PRKCA: variants seen among roughly 807,000 people sequenced by gnomAD.
PRKCA encodes protein kinase C alpha.
Under a neutral mutation model 87.0 loss-of-function variants are expected in PRKCA, and 27 were observed. That is an observed-to-expected ratio of 0.31 (90% CI 0.23 to 0.43). The LOEUF (loss-of-function observed/expected upper bound fraction) is 0.43, where lower values mean the gene tolerates loss of function less well. Ranked by LOEUF, PRKCA falls within the 20% of genes least tolerant of loss-of-function variation. PRKCA has a pLI of 1.00. For missense variants in PRKCA, 518 were observed against 852.3 expected (o/e 0.61, Z 4.88); for synonymous variants, 329 against 311.1 (o/e 1.06, Z -0.61).
At chr17:66,350,045 A>G (rs1234963747) in intron 2 of PRKCA, among the ~76,000 whole-genome samples, 1 of 152,126 alleles carries the variant, frequency 6.6e-6, no homozygotes, top group Non-Finnish European at 1.5e-5. Context: ...GCAGTGAAAA[A>G]AGATATTGTA....
intron 3 of PRKCA, among the ~76,000 whole-genome samples, chr17:66,603,444 T>C (rs147488186): frequency 1.3e-5 from 2 of 152,196 alleles, no homozygotes; most frequent in Admixed American, 6.5e-5. Flanking sequence ...GTCCTTTTTA[T>C]ATACAAACGT....
intron 3 of PRKCA, among the ~76,000 whole-genome samples, chr17:66,619,949 C>T (rs180841656): frequency 9.2e-5 from 14 of 151,986 alleles, no homozygotes; most frequent in Admixed American, 2.6e-4. Context: ...TTAAAACAGC[C>T]CAAAACATTT....
intron 2 of PRKCA, among the ~76,000 whole-genome samples, chr17:66,381,285 G>A (rs1369306948): frequency 6.6e-6 from 1 of 152,008 alleles, no homozygotes; most frequent in African/African-American, 2.4e-5. Flanking sequence ...GAAAAGTTCT[G>A]AATTTGAAAG....
At chr17:66,521,066 T>A (rs892044218) in intron 3 of PRKCA, among the ~76,000 whole-genome samples, 3 of 152,100 alleles carry the variant, frequency 2.0e-5, no homozygotes, top group Admixed American at 2.0e-4. Flanking sequence ...ACTCTGGGCA[T>A]CTGTCCACTC....
At chr17:66,759,733 G>T (rs769961553) in intron 13 of PRKCA, among the ~76,000 whole-genome samples, 26 of 152,142 alleles carry the variant, frequency 1.7e-4, no homozygotes, top group Non-Finnish European at 3.4e-4. Context: ...AAAGTAAGTG[G>T]ATATAAAAGA....
At chr17:66,462,475 T>C (rs920019895) in intron 2 of PRKCA, among the ~76,000 whole-genome samples, 5 of 152,236 alleles carry the variant, frequency 3.3e-5, no homozygotes, top group Admixed American at 1.3e-4. Context: ...GAATGTCTTA[T>C]TGTATAAGAA....
At chr17:66,652,179 G>A (rs1340344672) in intron 5 of PRKCA, among the ~76,000 whole-genome samples, 3 of 152,076 alleles carry the variant, frequency 2.0e-5, no homozygotes, top group Non-Finnish European at 4.4e-5. Context: ...GGCTGATCTC[G>A]AACTCCTGAC....
At chr17:66,533,141 T>C (rs936445709) in intron 3 of PRKCA, among the ~76,000 whole-genome samples, 2 of 152,212 alleles carry the variant, frequency 1.3e-5, no homozygotes, top group African/African-American at 4.8e-5. Context: ...CCTACACTTA[T>C]TCTCCTCTCA....
At chr17:66,304,585 G>A (rs1904702808) in intron 1 of PRKCA, among the ~76,000 whole-genome samples, 1 of 152,140 alleles carries the variant, frequency 6.6e-6, no homozygotes, top group Admixed American at 6.5e-5. Context: ...GGGCCACTAG[G>A]GTGAGCATAG....
At chr17:66,481,865 G>A (rs922216174) in intron 2 of PRKCA, among the ~76,000 whole-genome samples, 3 of 152,102 alleles carry the variant, frequency 2.0e-5, no homozygotes, top group Non-Finnish European at 4.4e-5. Context: ...CACTTTGGGA[G>A]GCAGAGGTGG....
chr17:66,338,287 G>C (rs1047497979), intron 2 of PRKCA, among the ~76,000 whole-genome samples: 1 of 151,976 alleles, frequency 6.6e-6, no homozygotes, highest in Non-Finnish European at 1.5e-5. Context: ...ACTCATTTCT[G>C]CCTGGCTCTA....
chr17:66,342,436 AAAATAAATAAT>A (rs1907091964), intron 2 of PRKCA, among the ~76,000 whole-genome samples: 3 of 110,100 alleles, frequency 2.7e-5, no homozygotes, highest in East Asian at 4.5e-4. Flanking sequence ...AAAATAAAAT[AAAATAAATAAT>A]AATAATAATA....
At chr17:66,387,941 C>T (rs1463868539) in intron 2 of PRKCA, among the ~76,000 whole-genome samples, 4 of 152,330 alleles carry the variant, frequency 2.6e-5, no homozygotes, top group Non-Finnish European at 2.9e-5. Context: ...TCCCCGGGTC[C>T]ATTCCCAACT....
intron 2 of PRKCA, among the ~76,000 whole-genome samples, chr17:66,380,210 T>C (rs746544520): frequency 7.1e-6 from 1 of 141,020 alleles, no homozygotes; most frequent in African/African-American, 2.6e-5. Context: ...CTTCATAGGG[T>C]TTTTTTTTTT....
At chr17:66,456,793 T>C (rs192467042) in intron 2 of PRKCA, among the ~76,000 whole-genome samples, 70 of 152,354 alleles carry the variant, frequency 4.6e-4, no homozygotes, top group African/African-American at 1.6e-3. Context: ...ACACCATATT[T>C]CTGTCCTGAC....
intron 5 of PRKCA, among the ~76,000 whole-genome samples, chr17:66,653,791 T>TAAAAAAAAAAAAAA (rs550316151): frequency 2.9e-5 from 3 of 102,526 alleles, no homozygotes; most frequent in Non-Finnish European, 6.0e-5. Flanking sequence ...TTCCAGCTCT[T>TAAAAAAAAAAAAAA]AAAAAAAAAA....
intron 3 of PRKCA, among the ~76,000 whole-genome samples, chr17:66,549,963 C>G (rs904882843): frequency 2.0e-5 from 3 of 152,282 alleles, no homozygotes; most frequent in East Asian, 1.9e-4. Context: ...CCTCCTCCCC[C>G]AGTCAAGGAA....
At chr17:66,660,047 G>A (rs1023645227) in intron 5 of PRKCA, among the ~76,000 whole-genome samples, 1 of 152,170 alleles carries the variant, frequency 6.6e-6, no homozygotes, top group Non-Finnish European at 1.5e-5. Flanking sequence ...CCACAGTCAT[G>A]GCTGGATTCA....
chr17:66,369,306 C>T (rs992570035), intron 2 of PRKCA, among the ~76,000 whole-genome samples: 5 of 152,074 alleles, frequency 3.3e-5, no homozygotes, highest in East Asian at 1.9e-4. Context: ...AGTACTTCCA[C>T]GGGAGGATCA....
Sources: gnomAD v4.1 joint callset for allele counts (sites outside exome capture counted in the v4.1 genomes callset) on GRCh38, gnomAD v4.1.1 for gene constraint, MANE v1.5 for transcripts, NCBI Gene and HGNC (gene_info 2026-07-23, HGNC 2026-07-21) for gene names.